The following UBL5 variants were observed in gnomAD, a reference collection of about 807,000 sequenced individuals.
UBL5 encodes ubiquitin-like protein 5.
A neutral mutation model predicts 11.7 loss-of-function variants in UBL5; 13 were observed. The observed-to-expected ratio is 1.11, with a 90% CI of 0.73 to 1.77. The LOEUF (loss-of-function observed/expected upper bound fraction) is 1.77, where lower values mean the gene tolerates loss of function less well. Among genes scored for constraint, UBL5 ranks in the 40% most tolerant of loss-of-function variants. The probability of loss-of-function intolerance (pLI) is 0.00; values close to 1 mark genes in which losing one functional copy is unlikely to be tolerated. For missense variants in UBL5, 58 were observed against 92.3 expected, an observed-to-expected ratio of 0.63 and a Z score of 1.52; for synonymous variants, 28 against 34.7, an observed-to-expected ratio of 0.81 and a Z score of 0.68.
rs377581463 is a variant in UBL5 at position 9,828,661 on chromosome 19, T to C, written c.126T>C (p.Ile42=). ...AAQTGTRWNK[I]VLKKWYTIFK... ...AAACTGGTACCCGTTGGAACAAGAT[T>C]GTCCTGAAGAAGTGGTGAGTGCAGC... is the stretch of plus-strand genomic sequence containing the variant. The change falls in exon 3 of 5, where the codon ATT becomes ATC. Residue 42 remains isoleucine (I), a synonymous_variant. Coordinates refer to ENST00000586895, the MANE Select transcript of UBL5 (RefSeq NM_001048241.3). 1.2e-6 allele frequency: 2 copies of C among 1,614,182 alleles called. No individual in the cohort carries two copies. Among genetic ancestry groups the C allele is most frequent in the South Asian group, 2.2e-5 (2 of 91,076 alleles).
In UBL5 at chr19:9,828,702, T is replaced by A. The variant is rs755583841; in HGVS notation, c.140+27T>A. The A allele has an allele frequency of 3.1e-6, 5 of 1,613,906 alleles. No individual in the cohort carries two copies. In the East Asian group the frequency reaches 1.1e-4, roughly 36 times the overall value. The stretch of plus-strand genomic sequence containing the variant: ...TGAGTGCAGCGGTAGAGCCACTGGG[T>A]GGACTGGACTAGGCCGGAAGGTTTT... On this transcript the variant is annotated intron_variant, in intron 3 of 4. Transcript: ENST00000586895.
At chr19:9,828,961 A>T in intron 4 of UBL5, 87 bp downstream of exon 4, 1 of 1,312,836 alleles carries the variant, frequency 7.6e-7, no homozygotes, top group Non-Finnish European at 1.1e-6. Context: ...GAGCTTATGC[A>T]TATTAAGTGT....
In UBL5 at chr19:9,827,918, A is replaced by G. The variant is rs1333236256; in HGVS notation, c.-78A>G. The G allele has an allele frequency of 7.9e-6, 2 of 253,258 alleles. No homozygotes were observed. Among genetic ancestry groups the G allele is most frequent in the Non-Finnish European group, 1.6e-5 (2 of 127,594 alleles). The allele number at this position is 253,258 out of a possible 1,614,324, so 15.7% of individuals were successfully genotyped here. A position where few individuals can be genotyped will look rare whatever the true frequency, so the allele number is the denominator to read the frequency against. On this transcript the variant is annotated 5_prime_UTR_variant, in exon 1 of 5. Transcript: ENST00000586895. ...ACTTCCGCTTCCGGTTCCTAGCGTT[A>G]ACTGCGACCGGGGTTCAGCGCTCGG...
chr19:9,828,838 T>TA lies in UBL5; in HGVS notation c.143dup (p.Tyr48Ter). The stretch of plus-strand genomic sequence containing the variant: ...CTCTGAAATGTCTCTTTTTCTTAGG[T>TA]ACACGATTTTTAAGGACCACGTGTC... ...RWNKIVLKKWYTIFKDHVSLG... is the reference protein window; with the variant it reads ...RWNKIVLKKW The change falls in exon 4 of 5, where the codon TAC becomes TAAC. Residue 48 changes from tyrosine to a stop codon, truncating the protein, a stop_gained and frameshift_variant and splice_region_variant. Transcript: ENST00000586895. 6.2e-7 allele frequency: 1 copy of TA among 1,614,218 alleles called. No individual in the cohort carries two copies. Among genetic ancestry groups the TA allele is most frequent in the Non-Finnish European group, 8.5e-7 (1 of 1,180,020 alleles).
At chr19:9,829,184 TTTTA>T (rs768831100) in intron 4 of UBL5, 46 of 345,242 alleles carry the variant, frequency 1.3e-4, no homozygotes, top group Non-Finnish European at 2.3e-4. Flanking sequence ...ACAATTTTTA[TTTTA>T]TTTATTTATT....
intron 1 of UBL5, 75 bp downstream of exon 1, chr19:9,828,059 T>G: frequency 1.8e-6 from 1 of 546,562 alleles, no homozygotes. Context: ...CTGGGGTCGG[T>G]GGGAGGTGAG....
chr19:9,828,915 C>G, intron 4 of UBL5, 41 bp downstream of exon 4: 2 of 1,601,334 alleles, frequency 1.2e-6, no homozygotes, highest in African/African-American at 1.3e-5. Flanking sequence ...TCTACATACC[C>G]AGCCTCGGTT....
Position 9,828,822 on chromosome 19 carries a change from GTC to G in UBL5, c.141-11_141-10del. 2 of 1,614,100 alleles carry G rather than the reference GTC, an allele frequency of 1.2e-6. No homozygotes were observed. Among genetic ancestry groups the G allele is most frequent in the Non-Finnish European group, 1.7e-6 (2 of 1,179,948 alleles). ...GCCTCCTTAGCCTTATCTCTGAAAT[GTC>G]TCTTTTTCTTAGGTACACGATTTTT... On this transcript the variant is annotated splice_polypyrimidine_tract_variant and intron_variant, in intron 3 of 4. Transcript: ENST00000586895.
Position 9,828,730 on chromosome 19 carries a change from T to C in UBL5, c.140+55T>C, listed in dbSNP as rs565397943. 1.5e-5 allele frequency: 25 copies of C among 1,613,090 alleles called. No homozygotes were observed. In the South Asian group the frequency reaches 1.6e-4, roughly 11 times the overall value. The stretch of plus-strand genomic sequence containing the variant: ...ACTGGACTAGGCCGGAAGGTTTTGG[T>C]TGGGGGAGCGCTGCAGGCAGCCCTT... On this transcript the variant is annotated intron_variant, in intron 3 of 4. Coordinates refer to ENST00000586895, the MANE Select transcript of UBL5 (RefSeq NM_001048241.3).
At chr19:9,828,304 C>A in intron 1 of UBL5, 23 bp from the exon 2 acceptor site, 8 of 1,578,046 alleles carry the variant, frequency 5.1e-6, no homozygotes, top group South Asian at 2.2e-5. Context: ...TGCTGCCTCC[C>A]ACCCACCCCC....
intron 4 of UBL5, 172 bp from the exon 5 acceptor site, chr19:9,829,793 A>G (rs2046045668): frequency 3.0e-6 from 2 of 658,194 alleles, no homozygotes; most frequent in Non-Finnish European, 5.3e-6. Context: ...CACTGCACCC[A>G]GCCAGAAATT....
rs532517656 is a variant in UBL5, at chr19:9,828,733, G to C, written c.140+58G>C. The C allele has an allele frequency of 2.3e-5, 37 of 1,612,826 alleles. No homozygotes were observed. In the Admixed American group the frequency reaches 5.8e-4, roughly 25 times the overall value. ...GGACTAGGCCGGAAGGTTTTGGTTGGGGGAGCGCTGCAGGCAGCCCTTTGC... is the reference window on the plus strand; with the variant it reads ...GGACTAGGCCGGAAGGTTTTGGTTGCGGGAGCGCTGCAGGCAGCCCTTTGC... On this transcript the variant is annotated intron_variant, in intron 3 of 4. Transcript: ENST00000586895.
chr19:9,828,442 G>C (rs370180863), intron 2 of UBL5, 49 bp downstream of exon 2: 1 of 1,611,094 alleles, frequency 6.2e-7, no homozygotes, highest in South Asian at 1.1e-5. Flanking sequence ...GGTGCTTGGC[G>C]TGAGGCAGGC....
intron 2 of UBL5, 31 bp from the exon 3 acceptor site, chr19:9,828,561 C>T (rs372517458): frequency 4.3e-6 from 7 of 1,613,932 alleles, no homozygotes; most frequent in Middle Eastern, 1.6e-4. Context: ...CGTTCTACCG[C>T]TTCCATTTGC....
chr19:9,829,030 G>A, intron 4 of UBL5, 156 bp downstream of exon 4: 2 of 719,370 alleles, frequency 2.8e-6, no homozygotes, highest in Non-Finnish European at 4.8e-6. Context: ...GTAATTATTT[G>A]GTTGGGGAGG....
intron 1 of UBL5, 144 bp downstream of exon 1, chr19:9,828,128 C>T (rs767981064): frequency 3.3e-6 from 2 of 606,384 alleles, no homozygotes; most frequent in Non-Finnish European, 5.8e-6. Context: ...GCGCGGCTCC[C>T]CGGGGTTCGC....
chr19:9,828,210 A>T, intron 1 of UBL5, 117 bp from the exon 2 acceptor site: 1 of 980,038 alleles, frequency 1.0e-6, no homozygotes, highest in Non-Finnish European at 1.6e-6. Flanking sequence ...CGGAAGGCTC[A>T]GTAACCTGGA....
chr19:9,828,360 AC>A lies in UBL5; in HGVS notation c.25del (p.Arg9ValfsTer22). MIEVVCNDRLGKKVRVKC... is the reference protein window; with the variant it reads MIEVVCNXRLGKKVRVKC... ...AGGATGATCGAGGTTGTTTGCAACG[AC>A]CGTCTGGGGAAGAAGGTCCGCGTTA... On this transcript the variant is annotated frameshift_variant, in exon 2 of 5. Coordinates refer to ENST00000586895, the MANE Select transcript of UBL5 (RefSeq NM_001048241.3). 1 of 1,613,868 alleles carries A rather than the reference AC, an allele frequency of 6.2e-7. No homozygotes were observed.
intron 4 of UBL5, 43 bp from the exon 5 acceptor site, chr19:9,829,922 G>A (rs138637221): frequency 3.8e-4 from 608 of 1,612,512 alleles, no homozygotes; most frequent in Middle Eastern, 6.6e-4. Context: ...AGAGGGGTGG[G>A]GACGGAAGTC....
Sources: gnomAD v4.1 joint callset for allele counts on GRCh38, gnomAD v4.1.1 for gene constraint, MANE v1.5 for transcripts, NCBI Gene and HGNC (gene_info 2026-07-23, HGNC 2026-07-21) for gene names.